The following CEP112 variants were observed in gnomAD, a reference collection of about 807,000 sequenced individuals.
CEP112 encodes centrosomal protein 112.
A neutral mutation model predicts 153.0 loss-of-function variants in CEP112; 127 were observed. That is an observed-to-expected ratio of 0.83 (90% confidence interval 0.72 to 0.96). CEP112 has a LOEUF of 0.96. Ranked by LOEUF, CEP112 falls within the 40% of genes least tolerant of loss-of-function variation. The pLI, the probability that CEP112 is intolerant of heterozygous loss-of-function variation, is 0.00. For synonymous variants in CEP112, 358 were observed against 374.4 expected (o/e 0.96, Z 0.51); for missense variants, 1,089 against 1,101.2 (o/e 0.99, Z 0.16).
intron 24 of CEP112, among the ~76,000 whole-genome samples, chr17:65,681,779 T>A (rs933665844): frequency 1.3e-5 from 2 of 150,464 alleles, no homozygotes; most frequent in East Asian, 3.9e-4. Context: ...GCTCAAGGGA[T>A]CCTCCTACCT....
chr17:65,684,125 C>T (rs1181517737), intron 24 of CEP112, among the ~76,000 whole-genome samples: 1 of 152,162 alleles, frequency 6.6e-6, no homozygotes, highest in Non-Finnish European at 1.5e-5. Flanking sequence ...TTTACTCTAT[C>T]AGACTGTAAA....
intron 21 of CEP112, among the ~76,000 whole-genome samples, chr17:65,838,388 G>C (rs975006145): frequency 6.6e-6 from 1 of 152,126 alleles, no homozygotes; most frequent in Non-Finnish European, 1.5e-5. Flanking sequence ...TTAAACAGCA[G>C]ACCCCTCAAT....
At chr17:65,845,663 C>T (rs1327866380) in intron 21 of CEP112, among the ~76,000 whole-genome samples, 1 of 152,120 alleles carries the variant, frequency 6.6e-6, no homozygotes, top group Non-Finnish European at 1.5e-5. Flanking sequence ...AATTTAGATA[C>T]CAAAGTTTAA....
At chr17:66,104,629 T>G (rs2068703635) in intron 6 of CEP112, among the ~76,000 whole-genome samples, 1 of 152,252 alleles carries the variant, frequency 6.6e-6, no homozygotes. Context: ...GTCTTTCACC[T>G]TTGGATACCA....
In CEP112 at chr17:66,176,589, A is replaced by G. The variant is rs573080461; in HGVS notation, c.297+241T>C. 1.5e-5 allele frequency: 5 copies of G among 325,602 alleles called. No homozygotes were observed. The East Asian group carries it at 2.0e-4, about 13-fold the overall frequency. The allele number at this position is 325,602 out of a possible 1,614,324, so 20.2% of individuals were successfully genotyped here. ...GCTCAATATAAAAAATTTCGTTTTC[A>G]GTTTTTTAGAAATACTGTTGAATAC... On this transcript the variant is annotated intron_variant, in intron 3 of 26. Transcript: ENST00000535342.
At chr17:65,645,696 T>C (rs1229068449) in intron 24 of CEP112, among the ~76,000 whole-genome samples, 2 of 152,268 alleles carry the variant, frequency 1.3e-5, no homozygotes, top group African/African-American at 4.8e-5. Context: ...AGAGCTGTTA[T>C]AAAGAACTGT....
intron 23 of CEP112, among the ~76,000 whole-genome samples, chr17:65,721,158 T>C (rs1000765836): frequency 2.6e-5 from 4 of 151,996 alleles, no homozygotes; most frequent in Non-Finnish European, 5.9e-5. Context: ...CTACAGGTGC[T>C]CGCTACCATG....
Position 65,934,081 on chromosome 17 carries a change from C to T in CEP112, c.1873-6392G>A, listed in dbSNP as rs181486155. Among the ~76,000 whole-genome samples, 113 of 152,094 alleles carry T rather than the reference C, an allele frequency of 7.4e-4. 1 individual carries two copies. The highest frequency in any genetic ancestry group is 2.6e-3 in the African/African-American group (108 of 41,486). On this transcript the variant is annotated intron_variant, in intron 18 of 26. Coordinates refer to ENST00000535342, the MANE Select transcript of CEP112 (RefSeq NM_001199165.4). ...GTGTGTGCCTGTAGTCCCCGCTACT[C>T]GGGAGGCTGAGGCACGAGAACTGCT...
intron 21 of CEP112, among the ~76,000 whole-genome samples, chr17:65,799,631 A>C (rs919413085): frequency 3.9e-5 from 6 of 152,246 alleles, no homozygotes; most frequent in Non-Finnish European, 8.8e-5. Context: ...CCCTTAGGCA[A>C]GTCCTAAAGC....
chr17:65,841,128 C>T (rs2057500601), intron 21 of CEP112, among the ~76,000 whole-genome samples: 1 of 151,972 alleles, frequency 6.6e-6, no homozygotes, highest in Non-Finnish European at 1.5e-5. Flanking sequence ...TAGCATATAA[C>T]CCAGCAATTC....
At chr17:66,087,807 A>C (rs1055850096) in intron 8 of CEP112, among the ~76,000 whole-genome samples, 2 of 152,096 alleles carry the variant, frequency 1.3e-5, no homozygotes, top group African/African-American at 4.8e-5. Context: ...CAGACAGTAA[A>C]GCGTGGAGAG....
chr17:65,942,102 G>A (rs1220188308), intron 18 of CEP112, among the ~76,000 whole-genome samples: 2 of 152,200 alleles, frequency 1.3e-5, no homozygotes, highest in Admixed American at 1.3e-4. Flanking sequence ...TAGGAACCCT[G>A]CATCCAGCAG....
intron 24 of CEP112, among the ~76,000 whole-genome samples, chr17:65,665,944 A>G (rs1453636693): frequency 6.6e-6 from 1 of 152,268 alleles, no homozygotes; most frequent in East Asian, 1.9e-4. Context: ...TGCTTTGGGT[A>G]CTGACACCTG....
At chr17:65,957,642 C>T (rs1783703680) in intron 18 of CEP112, among the ~76,000 whole-genome samples, 1 of 151,730 alleles carries the variant, frequency 6.6e-6, no homozygotes, top group Non-Finnish European at 1.5e-5. Flanking sequence ...TAATCAATAC[C>T]ATTTTACTAG....
At chr17:65,979,454 T>A (rs2063153120) in intron 17 of CEP112, among the ~76,000 whole-genome samples, 1 of 152,022 alleles carries the variant, frequency 6.6e-6, no homozygotes, top group African/African-American at 2.4e-5. Flanking sequence ...TGCCCAGGCG[T>A]GTCTTGAACT....
chr17:65,918,903 G>A (rs576849752), intron 19 of CEP112, among the ~76,000 whole-genome samples: 5 of 152,240 alleles, frequency 3.3e-5, no homozygotes, highest in South Asian at 2.1e-4. Context: ...TTCCTGGCAC[G>A]GTGCTTTCTG....
intron 6 of CEP112, among the ~76,000 whole-genome samples, chr17:66,112,018 C>T (rs956682837): frequency 3.3e-5 from 5 of 152,068 alleles, no homozygotes; most frequent in Admixed American, 3.3e-4. Context: ...AGGCCGGGTG[C>T]GGTGGCTCAC....
intron 23 of CEP112, among the ~76,000 whole-genome samples, chr17:65,724,006 C>T (rs1950338151): frequency 6.6e-6 from 1 of 152,164 alleles, no homozygotes; most frequent in Non-Finnish European, 1.5e-5. Context: ...AAGAATCCTA[C>T]AGCAAGTGAC....
intron 24 of CEP112, among the ~76,000 whole-genome samples, chr17:65,684,984 T>C (rs11079581): frequency 0.33 from 49,647 of 152,150 alleles, 8,362 homozygotes; most frequent in Middle Eastern, 0.49. Flanking sequence ...TAAATTGCTG[T>C]TTATTGATTA....
Sources: allele counts gnomAD v4.1 joint callset (sites outside exome capture counted in the v4.1 genomes callset), GRCh38; gene constraint gnomAD v4.1.1; transcripts MANE v1.5; gene names NCBI Gene and HGNC (gene_info 2026-07-23, HGNC 2026-07-21).